The following FGF13 variants were observed in gnomAD, a reference collection of about 807,000 sequenced individuals.
The protein encoded by FGF13 is fibroblast growth factor homologous factor 2.
In FGF13, 2 loss-of-function variants were observed where a neutral mutation model predicts 19.5. The observed-to-expected ratio is 0.10, with a 90% CI of 0.04 to 0.32. The LOEUF (loss-of-function observed/expected upper bound fraction) is 0.32, where lower values mean the gene tolerates loss of function less well. Ranked by LOEUF, FGF13 falls within the 10% of genes least tolerant of loss-of-function variation. The pLI is 1.00. For synonymous variants in FGF13, 72 were observed against 76.9 expected (o/e 0.94, Z 0.33); for missense variants, 113 against 192.7 (o/e 0.59, Z 2.45).
intron 1 of FGF13, among the ~76,000 whole-genome samples, chrX:139,160,274 T>A (rs1395327702): frequency 8.9e-6 from 1 of 111,739 alleles, no homozygotes; most frequent in East Asian, 2.8e-4. Flanking sequence ...CAGAAATAAA[T>A]AACTTCTTTG....
intron 1 of FGF13, among the ~76,000 whole-genome samples, chrX:139,163,691 AACT>A (rs1248186929): frequency 9.0e-6 from 1 of 110,998 alleles, no homozygotes; most frequent in Non-Finnish European, 1.9e-5. Flanking sequence ...ATATTATAAT[AACT>A]ACTACTACTA....
intron 1 of FGF13, among the ~76,000 whole-genome samples, chrX:138,944,666 C>T: frequency 9.0e-6 from 1 of 110,639 alleles, no homozygotes; most frequent in South Asian, 3.9e-4. Context: ...TCTAAGGGCC[C>T]CTCAAGTTCG....
chrX:138,773,153 A>G (rs1441738692), intron 3 of FGF13, among the ~76,000 whole-genome samples: 1 of 111,926 alleles, frequency 8.9e-6, no homozygotes, highest in Non-Finnish European at 1.9e-5. Flanking sequence ...ACATAAAATT[A>G]AAAGAGGCAT....
At chrX:139,125,054 A>C (rs1331049741) in intron 1 of FGF13, among the ~76,000 whole-genome samples, 2 of 111,916 alleles carry the variant, frequency 1.8e-5, no homozygotes, top group African/African-American at 6.5e-5. Flanking sequence ...TGTCCATGAA[A>C]CCAAAAGAAA....
chrX:138,676,719 C>T (rs2089671051), intron 3 of FGF13, among the ~76,000 whole-genome samples: 1 of 111,591 alleles, frequency 9.0e-6, no homozygotes, highest in Admixed American at 9.6e-5. Context: ...ACATGTGCAG[C>T]TCACAATAAG....
chrX:138,646,239 T>C (rs1450485896), intron 3 of FGF13, among the ~76,000 whole-genome samples: 1 of 112,236 alleles, frequency 8.9e-6, no homozygotes, highest in African/African-American at 3.2e-5. Context: ...TAAAAAAATC[T>C]CTAAAGAGCT....
chrX:138,989,026 G>A (rs909612314), intron 1 of FGF13, among the ~76,000 whole-genome samples: 1 of 111,372 alleles, frequency 9.0e-6, no homozygotes, highest in Admixed American at 9.6e-5. Flanking sequence ...CTTGGCTGTC[G>A]GCTACCACTT....
intron 3 of FGF13, among the ~76,000 whole-genome samples, chrX:138,776,678 C>G (rs2090590011): frequency 1.8e-5 from 2 of 112,027 alleles, no homozygotes; most frequent in African/African-American, 6.5e-5. Context: ...GCTACCAAAC[C>G]TATAAACCTA....
At chrX:138,857,378 G>A (rs182959131), downstream of FGF13, 388 of 566,690 alleles carry the variant, frequency 6.8e-4, 2 homozygotes, top group African/African-American at 8.4e-3. Context: ...TCACCAGCCA[G>A]CCAGGGGGCC....
intron 1 of FGF13, among the ~76,000 whole-genome samples, chrX:138,929,296 A>G (rs2091689499): frequency 1.9e-5 from 2 of 107,783 alleles, no homozygotes; most frequent in African/African-American, 6.8e-5. Flanking sequence ...TAGTGTGGAG[A>G]AGAGATAAGC....
Position 138,936,737 on chromosome X carries a change from AC to A in FGF13, c.-112-72088del, listed in dbSNP as rs201311411. Among the ~76,000 whole-genome samples the A allele has an allele frequency of 4.0e-3, 445 of 112,064 alleles. 3 individuals are homozygous for A. The highest frequency in any genetic ancestry group is 0.014 in the African/African-American group (422 of 30,853). On this transcript the variant is annotated intron_variant, in intron 1 of 2. Coordinates refer to the FGF13 transcript ENST00000421460. Reference sequence around the variant, plus strand: ...TATGCATTCCTTTCTACGGAAGCACACCTTCTGTGGGAAAATTTCTGTGAAA... The same window carrying A: ...TATGCATTCCTTTCTACGGAAGCACACTTCTGTGGGAAAATTTCTGTGAAA...
Position 139,014,217 on chromosome X carries a change from C to G in FGF13, c.-112-149567G>C, listed in dbSNP as rs144202813. 6.5e-3 allele frequency among the ~76,000 whole-genome samples: 723 copies of G among 110,681 alleles called. 7 individuals carry two copies. Among genetic ancestry groups the G allele is most frequent in the African/African-American group, 0.023 (696 of 30,479 alleles). ...AAAGAACTTGAAAAGCAAGCACAAA[C>G]CAAACACAAAACTAGTGGAATAAAC... On this transcript the variant is annotated intron_variant, in intron 1 of 2. Coordinates refer to the FGF13 transcript ENST00000421460.
At chrX:138,893,685 T>C (rs2124198633) in intron 1 of FGF13, among the ~76,000 whole-genome samples, 1 of 112,029 alleles carries the variant, frequency 8.9e-6, no homozygotes, top group Non-Finnish European at 1.9e-5. Flanking sequence ...AAGCCTATAT[T>C]GGTAACACTT....
At chrX:138,992,033 T>G (rs1049913991) in intron 1 of FGF13, among the ~76,000 whole-genome samples, 3 of 111,768 alleles carry the variant, frequency 2.7e-5, no homozygotes, top group Non-Finnish European at 5.6e-5. Context: ...TTAATGTGCA[T>G]TTCTCTAATT....
rs995229942 is a variant in FGF13, at chrX:138,628,876, C to T, written c.*3974G>A. 8.9e-6 allele frequency: 1 copy of T among 112,085 alleles called. No homozygotes were observed. Among genetic ancestry groups the T allele is most frequent in the African/African-American group, 3.2e-5 (1 of 30,832 alleles). The allele number at this position is 112,085 out of a possible 1,213,427, so 9.2% of individuals were successfully genotyped here. ...GATTCCATGGCAATGAGCATGTCCT[C>T]TCTTTGGATACAAACAAAACTCCTG... On this transcript the variant is annotated 3_prime_UTR_variant, in exon 5 of 5. Coordinates refer to ENST00000315930, the MANE Select transcript of FGF13 (RefSeq NM_004114.5).
At chrX:139,042,338 G>A (rs1296870809) in intron 1 of FGF13, among the ~76,000 whole-genome samples, 1 of 111,445 alleles carries the variant, frequency 9.0e-6, no homozygotes, top group Non-Finnish European at 1.9e-5. Flanking sequence ...ATTTGGACCA[G>A]GAATCATCCC....
At chrX:138,961,007 T>A (rs1314279878) in intron 1 of FGF13, among the ~76,000 whole-genome samples, 1 of 111,603 alleles carries the variant, frequency 9.0e-6, no homozygotes, top group Non-Finnish European at 1.9e-5. Context: ...GAAGCCTACT[T>A]CTGTCAACTC....
intron 1 of FGF13, among the ~76,000 whole-genome samples, chrX:138,900,005 G>A (rs1389641430): frequency 9.0e-6 from 1 of 110,990 alleles, no homozygotes; most frequent in Non-Finnish European, 1.9e-5. Context: ...TCTCATGAAA[G>A]GAGCTCGGTT....
chrX:138,735,721 C>T (rs2090269227), intron 1 of FGF13, among the ~76,000 whole-genome samples: 1 of 112,053 alleles, frequency 8.9e-6, no homozygotes, highest in South Asian at 3.7e-4. Flanking sequence ...ACAAATGAGG[C>T]ATTATTACAT....
Sources: gnomAD v4.1 joint callset for allele counts (sites outside exome capture counted in the v4.1 genomes callset) on GRCh38, gnomAD v4.1.1 for gene constraint, MANE v1.5 for transcripts, NCBI Gene and HGNC (gene_info 2026-07-23, HGNC 2026-07-21) for gene names.